Variants in PCCA observed in about 807,000 individuals in gnomAD.
PCCA encodes the protein propionyl-CoA carboxylase alpha chain, mitochondrial.
PCCA carries 74 observed loss-of-function variants against 101.3 expected under a neutral mutation model. The ratio of observed to expected loss-of-function variants is 0.73; its 90% CI spans 0.61 to 0.89. The LOEUF (loss-of-function observed/expected upper bound fraction) is 0.89, where lower values mean the gene tolerates loss of function less well. Ranked by LOEUF, PCCA falls within the 40% of genes least tolerant of loss-of-function variation. The pLI is 0.00. For synonymous variants in PCCA, 294 were observed against 313.6 expected (o/e 0.94, Z 0.66); for missense variants, 891 against 907.0 (o/e 0.98, Z 0.23).
At chr13:100,235,722 G>A (rs2060757964) in intron 7 of PCCA, 120 bp from the exon 8 acceptor site, 2 of 736,730 alleles carry the variant, frequency 2.7e-6, no homozygotes, top group Admixed American at 1.8e-5. Flanking sequence ...AGGGTTAGAA[G>A]GTAGTAAAAT....
At chr13:100,099,147 A>T (rs2047035808) in intron 1 of PCCA, among the ~76,000 whole-genome samples, 1 of 152,058 alleles carries the variant, frequency 6.6e-6, no homozygotes, top group Non-Finnish European at 1.5e-5. Context: ...ATAATGAGTT[A>T]TTTAGTATTA....
intron 22 of PCCA, among the ~76,000 whole-genome samples, chr13:100,525,336 GAAC>G (rs572937362): frequency 8.9e-4 from 135 of 152,260 alleles, no homozygotes; most frequent in Non-Finnish European, 1.6e-3. Context: ...TTTTTCTGAT[GAAC>G]AACTGGGGAC....
intron 4 of PCCA, among the ~76,000 whole-genome samples, chr13:100,146,574 CAAA>C (rs34460515): frequency 2.0e-5 from 2 of 98,032 alleles, no homozygotes; most frequent in African/African-American, 3.5e-5. Flanking sequence ...GACTCTGTCT[CAAA>C]AAAAAAAAAA....
chr13:100,309,916 C>T lies in PCCA; in HGVS notation c.1429+8C>T. The T allele has an allele frequency of 2.5e-6, 4 of 1,595,988 alleles. No homozygotes were observed. Among genetic ancestry groups the T allele is most frequent in the Non-Finnish European group, 3.4e-6 (4 of 1,163,728 alleles). On this transcript the variant is annotated splice_region_variant and intron_variant, in intron 16 of 23. Transcript: ENST00000376285. ...ATAACTATGTTATTCGAGGTAAAAA[C>T]AAAGATTTGCACTCGTTGGTTATTG...
chr13:100,357,273 A>G (rs1447064475), intron 18 of PCCA, among the ~76,000 whole-genome samples: 1 of 152,230 alleles, frequency 6.6e-6, no homozygotes, highest in Admixed American at 6.5e-5. Context: ...TCCTAATGGT[A>G]TAATAGATGT....
intron 6 of PCCA, among the ~76,000 whole-genome samples, chr13:100,176,791 C>T (rs2056276126): frequency 6.6e-6 from 1 of 152,040 alleles, no homozygotes; most frequent in Non-Finnish European, 1.5e-5. Context: ...AGAGTTTTAA[C>T]AGAGGAGCAA....
Position 100,428,878 on chromosome 13 carries a change from G to A in PCCA, c.1845+3147G>A, listed in dbSNP as rs576145913. Among the ~76,000 whole-genome samples the A allele has an allele frequency of 1.1e-4, 16 of 152,304 alleles. No individual in the cohort carries two copies. In the South Asian group the frequency reaches 3.3e-3, roughly 32 times the overall value. On this transcript the variant is annotated intron_variant, in intron 20 of 23. Transcript: ENST00000376285. ...TCACATGAGCCTTATTAAGGACATA[G>A]GAGAGGCTCTACTTTATCCCTAGGT...
At chr13:100,372,337 G>A (rs1364671919) in intron 19 of PCCA, among the ~76,000 whole-genome samples, 1 of 149,976 alleles carries the variant, frequency 6.7e-6, no homozygotes, top group Non-Finnish European at 1.5e-5. Flanking sequence ...AGGTGACAGA[G>A]TGAGACCCTG....
chr13:100,498,927 C>T (rs2085467770), intron 21 of PCCA, among the ~76,000 whole-genome samples: 1 of 152,192 alleles, frequency 6.6e-6, no homozygotes, highest in African/African-American at 2.4e-5. Flanking sequence ...TATTCTGCCA[C>T]CATACCTTGT....
At chr13:100,488,047 A>T (rs927005699) in intron 21 of PCCA, among the ~76,000 whole-genome samples, 50 of 151,818 alleles carry the variant, frequency 3.3e-4, no homozygotes, top group African/African-American at 8.5e-4. Context: ...ATATATATAT[A>T]TTTTTTAATG....
intron 21 of PCCA, among the ~76,000 whole-genome samples, chr13:100,508,482 C>A (rs1447875919): frequency 6.6e-6 from 1 of 152,154 alleles, no homozygotes; most frequent in Non-Finnish European, 1.5e-5. Flanking sequence ...TAAATGGCAG[C>A]GGACGAGTGT....
chr13:100,402,082 A>T (rs372696989), intron 19 of PCCA, among the ~76,000 whole-genome samples: 1 of 152,172 alleles, frequency 6.6e-6, no homozygotes, highest in Non-Finnish European at 1.5e-5. Flanking sequence ...AAAGTGCATA[A>T]TAGAGTCCTT....
chr13:100,209,852 G>A (rs1338232396), intron 7 of PCCA, among the ~76,000 whole-genome samples: 1 of 151,680 alleles, frequency 6.6e-6, no homozygotes, highest in African/African-American at 2.4e-5. Context: ...GGCTGGTCTC[G>A]AACTCCTGAC....
intron 16 of PCCA, among the ~76,000 whole-genome samples, chr13:100,315,765 G>C (rs1250355924): frequency 2.6e-5 from 4 of 152,088 alleles, no homozygotes; most frequent in African/African-American, 9.7e-5. Context: ...ATACAGATGG[G>C]ACCTGGTGAA....
At chr13:100,367,359 G>T (rs1315996051) in intron 18 of PCCA, among the ~76,000 whole-genome samples, 1 of 151,962 alleles carries the variant, frequency 6.6e-6, no homozygotes. Flanking sequence ...GAAAACCAGG[G>T]CTAGAAAAGA....
At chr13:100,354,436 C>T (rs2073738652) in intron 18 of PCCA, among the ~76,000 whole-genome samples, 1 of 151,644 alleles carries the variant, frequency 6.6e-6, no homozygotes, top group Non-Finnish European at 1.5e-5. Context: ...GATCAATTAC[C>T]TTATCTTCCA....
At chr13:100,273,101 T>G (rs1219389159) in intron 11 of PCCA, 95 bp from the exon 12 acceptor site, 1 of 865,444 alleles carries the variant, frequency 1.2e-6, no homozygotes, top group East Asian at 2.6e-5. Context: ...ATGATCTATA[T>G]CTGAGTAAAC....
intron 18 of PCCA, among the ~76,000 whole-genome samples, chr13:100,367,644 T>TG: frequency 6.6e-6 from 1 of 150,594 alleles, no homozygotes; most frequent in Admixed American, 6.6e-5. Flanking sequence ...GTTTTTTTTT[T>TG]GTTTTTTTTT....
intron 19 of PCCA, among the ~76,000 whole-genome samples, chr13:100,424,023 G>A (rs1421218907): frequency 6.6e-6 from 1 of 152,166 alleles, no homozygotes; most frequent in African/African-American, 2.4e-5. Flanking sequence ...CTGCATCTGT[G>A]GATCCAACCA....
Sources: allele counts gnomAD v4.1 joint callset (sites outside exome capture counted in the v4.1 genomes callset), GRCh38; gene constraint gnomAD v4.1.1; transcripts MANE v1.5; gene names NCBI Gene and HGNC (gene_info 2026-07-23, HGNC 2026-07-21).